CADPS: variants seen among roughly 807,000 people sequenced by gnomAD.
The protein encoded by CADPS is calcium-dependent secretion activator 1.
A neutral mutation model predicts 167.3 loss-of-function variants in CADPS; 57 were observed. The ratio of observed to expected loss-of-function variants is 0.34; its 90% CI spans 0.28 to 0.42. The LOEUF is 0.42. Among genes scored for constraint, CADPS ranks in the 20% least tolerant of loss-of-function variants. The pLI is 1.00. For synonymous variants in CADPS, 676 were observed against 635.3 expected (o/e 1.06, Z -0.96); for missense variants, 1,414 against 1,738.1 (o/e 0.81, Z 3.32).
At chr3:62,590,055 G>A (rs1415793662) in intron 7 of CADPS, among the ~76,000 whole-genome samples, 3 of 152,060 alleles carry the variant, frequency 2.0e-5, no homozygotes, top group African/African-American at 7.2e-5. Flanking sequence ...CAGATGTGGT[G>A]GTAGGCACCT....
chr3:62,583,186 T>C (rs1009593800), intron 8 of CADPS, among the ~76,000 whole-genome samples: 5 of 151,702 alleles, frequency 3.3e-5, no homozygotes, highest in African/African-American at 7.3e-5. Context: ...TCTCTCTCTC[T>C]CTTTCTACGT....
At chr3:62,691,562 T>A (rs1343403594) in intron 3 of CADPS, among the ~76,000 whole-genome samples, 3 of 152,034 alleles carry the variant, frequency 2.0e-5, no homozygotes, top group African/African-American at 4.8e-5. Context: ...TGGAGGTTCC[T>A]GAGTTAAAAT....
At chr3:62,605,638 C>G (rs2060594802) in intron 6 of CADPS, among the ~76,000 whole-genome samples, 1 of 152,208 alleles carries the variant, frequency 6.6e-6, no homozygotes, top group Non-Finnish European at 1.5e-5. Context: ...GTGCCACTTT[C>G]TACCTGAGTG....
chr3:62,665,132 T>A lies in CADPS; in HGVS notation c.889-2738A>T, dbSNP rs1213678166. Among the ~76,000 whole-genome samples, 17 of 152,300 alleles carry A rather than the reference T, an allele frequency of 1.1e-4. 2 individuals carry two copies. The South Asian group carries it at 3.5e-3, about 32-fold the overall frequency. The stretch of plus-strand genomic sequence containing the variant: ...CCCTATGACCTGTTTTACAGCCTTT[T>A]CTAAAGGGTCCCAAGAAACAGAGGC... On this transcript the variant is annotated intron_variant, in intron 3 of 29. Transcript: ENST00000383710.
rs913004538 is a variant in CADPS at position 62,715,819 on chromosome 3, C to T, written c.888+37622G>A. ...TCGCCCAGGCTGGAGTGCAGTGGCG[C>T]GATCTCAGCTCACTGCAAGCTCCGC... On this transcript the variant is annotated intron_variant, in intron 3 of 29. Coordinates refer to ENST00000383710, the MANE Select transcript of CADPS (RefSeq NM_003716.4). Among the ~76,000 whole-genome samples the T allele has an allele frequency of 3.1e-4, 37 of 117,676 alleles. No homozygotes were observed. In the Admixed American group the frequency reaches 3.2e-3, roughly 10 times the overall value. 77.2% of individuals were successfully genotyped at this position (117,676 alleles called of 152,430 possible). A position where few individuals can be genotyped will look rare whatever the true frequency, so the allele number is the denominator to read the frequency against.
At chr3:62,791,931 T>C (rs1318753442) in intron 1 of CADPS, among the ~76,000 whole-genome samples, 4 of 152,132 alleles carry the variant, frequency 2.6e-5, no homozygotes, top group Non-Finnish European at 5.9e-5. Context: ...AAATTGTCAT[T>C]TTGCTGTTGT....
intron 1 of CADPS, among the ~76,000 whole-genome samples, chr3:62,832,298 T>C (rs887516538): frequency 5.9e-5 from 9 of 152,220 alleles, no homozygotes; most frequent in Admixed American, 1.3e-4. Context: ...CATGCAAATC[T>C]CTTTGAGAAG....
At chr3:62,850,844 T>C (rs1018908803) in intron 1 of CADPS, among the ~76,000 whole-genome samples, 2 of 151,668 alleles carry the variant, frequency 1.3e-5, no homozygotes, top group African/African-American at 4.9e-5. Flanking sequence ...ACTTTCTGTC[T>C]CGTTGATCTG....
chr3:62,700,567 CT>C (rs2151524159), intron 3 of CADPS, among the ~76,000 whole-genome samples: 1 of 152,128 alleles, frequency 6.6e-6, no homozygotes, highest in Non-Finnish European at 1.5e-5. Context: ...AATTGGGGAC[CT>C]AATCTTATGA....
In CADPS at chr3:62,420,074, G is replaced by A. The variant is rs1259284966; in HGVS notation, c.3778-16889C>T. 6.6e-6 allele frequency among the ~76,000 whole-genome samples: 1 copy of A among 152,104 alleles called. No individual in the cohort carries two copies. Among genetic ancestry groups the A allele is most frequent in the East Asian group, 1.9e-4 (1 of 5,186 alleles). ...ACATACAAAAGCATGGTCTATGTAT[G>A]TACATAATTTCCAGGCTATTACATG... On this transcript the variant is annotated intron_variant, in intron 28 of 29. Coordinates refer to ENST00000383710, the MANE Select transcript of CADPS (RefSeq NM_003716.4). This position sits in a 1 kb window ranked among gnomAD's most constrained non-coding sequence, Gnocchi z 4.1.
chr3:62,516,738 A>G, intron 14 of CADPS, 95 bp from the exon 15 acceptor site: 1 of 844,136 alleles, frequency 1.2e-6, no homozygotes, highest in Non-Finnish European at 1.9e-6. Context: ...TCTCTGAGGA[A>G]TGGAAAATGC....
At chr3:62,833,808 G>C (rs576594207) in intron 1 of CADPS, among the ~76,000 whole-genome samples, 3 of 152,112 alleles carry the variant, frequency 2.0e-5, no homozygotes, top group Non-Finnish European at 4.4e-5. Flanking sequence ...CTGTTTATCT[G>C]CTGGGGTTCT....
At position 62,834,573 on chromosome 3, in the gene CADPS, C is replaced by T. The variant is rs2075627759; in HGVS notation, c.441+40016G>A. Among the ~76,000 whole-genome samples the T allele has an allele frequency of 2.0e-5, 3 of 152,150 alleles. No homozygotes were observed. In the South Asian group the frequency reaches 6.2e-4, roughly 32 times the overall value. On this transcript the variant is annotated intron_variant, in intron 1 of 29. Coordinates refer to ENST00000383710, the MANE Select transcript of CADPS (RefSeq NM_003716.4). The stretch of plus-strand genomic sequence containing the variant: ...GTCACTTACTCTCTCCACACCTTAT[C>T]CTTCCTCATCAGAAACATCAAGGTC...
At chr3:62,532,075 G>C (rs1356690450) in intron 13 of CADPS, among the ~76,000 whole-genome samples, 1 of 152,136 alleles carries the variant, frequency 6.6e-6, no homozygotes, top group African/African-American at 2.4e-5. Context: ...TTGCCTTCCA[G>C]CTTCACCTAG....
chr3:62,636,989 G>A (rs2149833847), intron 6 of CADPS, among the ~76,000 whole-genome samples: 1 of 152,154 alleles, frequency 6.6e-6, no homozygotes, highest in African/African-American at 2.4e-5. Flanking sequence ...AGGATTTGGG[G>A]GCAGGCTTCC....
intron 6 of CADPS, among the ~76,000 whole-genome samples, chr3:62,629,103 A>T (rs1161139704): frequency 6.6e-6 from 1 of 152,128 alleles, no homozygotes; most frequent in Non-Finnish European, 1.5e-5. Context: ...TCTCCTGATG[A>T]TTTTTTTAAA....
At chr3:62,448,628 G>GGT (rs2057577050) in intron 26 of CADPS, among the ~76,000 whole-genome samples, 1 of 151,674 alleles carries the variant, frequency 6.6e-6, no homozygotes, top group African/African-American at 2.4e-5. Context: ...TTTTGGGGGG[G>GGT]GGTGGTATGG....
At chr3:62,583,969 G>C (rs896890851) in intron 8 of CADPS, among the ~76,000 whole-genome samples, 4 of 149,946 alleles carry the variant, frequency 2.7e-5, no homozygotes, top group Non-Finnish European at 5.9e-5. Flanking sequence ...TTGGGTTTGT[G>C]AATTCCCCAA....
intron 8 of CADPS, among the ~76,000 whole-genome samples, chr3:62,581,871 A>AAACTTCCTG (rs2083496814): frequency 1.3e-5 from 2 of 152,210 alleles, no homozygotes; most frequent in Admixed American, 1.3e-4. Context: ...CTGAACTTGA[A>AAACTTCCTG]AACACCATGC....
Sources: gnomAD v4.1 joint callset for allele counts (sites outside exome capture counted in the v4.1 genomes callset) on GRCh38, gnomAD v4.1.1 for gene constraint, Gnocchi (gnomAD v3.1) non-coding constraint, MANE v1.5 for transcripts, NCBI Gene and HGNC (gene_info 2026-07-23, HGNC 2026-07-21) for gene names.